Variants in CADM2 observed in about 807,000 individuals in gnomAD.
CADM2 encodes cell adhesion molecule 2.
CADM2 carries 12 observed loss-of-function variants against 49.8 expected under a neutral mutation model. The observed-to-expected ratio is 0.24, with a 90% CI of 0.15 to 0.39. The LOEUF (loss-of-function observed/expected upper bound fraction) is 0.39, where lower values mean the gene tolerates loss of function less well. CADM2 is among the 10% of genes least tolerant of loss of function. The pLI is 1.00. For synonymous variants in CADM2, 214 were observed against 175.4 expected (o/e 1.22, Z -1.74); for missense variants, 378 against 492.3 (o/e 0.77, Z 2.20).
intron 1 of CADM2, among the ~76,000 whole-genome samples, chr3:85,090,807 T>C (rs1409062613): frequency 6.6e-6 from 1 of 152,196 alleles, no homozygotes; most frequent in African/African-American, 2.4e-5. Flanking sequence ...CTCTAGGTTG[T>C]CCACTCCTTA....
intron 3 of CADM2, among the ~76,000 whole-genome samples, chr3:85,877,316 G>C (rs1712019833): frequency 6.6e-6 from 1 of 151,866 alleles, no homozygotes; most frequent in South Asian, 2.1e-4. Context: ...TAAAATGTTT[G>C]AGTTTTTAGT....
At chr3:85,783,565 T>C (rs2070786711) in intron 2 of CADM2, among the ~76,000 whole-genome samples, 1 of 152,066 alleles carries the variant, frequency 6.6e-6, no homozygotes, top group South Asian at 2.1e-4. Flanking sequence ...GCCATATGAG[T>C]CCATATTTCC....
intron 1 of CADM2, among the ~76,000 whole-genome samples, chr3:85,720,959 A>T (rs2067482605): frequency 6.6e-6 from 1 of 152,210 alleles, no homozygotes; most frequent in Admixed American, 6.5e-5. Flanking sequence ...TTGTTGATTA[A>T]CATTGCTGTG....
intron 8 of CADM2, among the ~76,000 whole-genome samples, chr3:86,063,804 C>T (rs1168508608): frequency 6.6e-6 from 1 of 152,140 alleles, no homozygotes; most frequent in African/African-American, 2.4e-5. Flanking sequence ...TACTTCTTTA[C>T]TTTCACTGTC....
At chr3:85,133,479 T>C (rs113758583) in intron 1 of CADM2, among the ~76,000 whole-genome samples, 1,952 of 152,132 alleles carry the variant, frequency 0.013, 38 homozygotes, top group African/African-American at 0.043. Flanking sequence ...CAGTGTCGAT[T>C]GGTGCATTCA....
At chr3:85,796,538 A>G (rs989704840) in intron 2 of CADM2, among the ~76,000 whole-genome samples, 15 of 152,112 alleles carry the variant, frequency 9.9e-5, no homozygotes, top group Non-Finnish European at 1.9e-4. Context: ...GGCGATGGCA[A>G]CTCTGAGAGG....
chr3:84,990,081 A>G (rs1050994087), intron 1 of CADM2, among the ~76,000 whole-genome samples: 4 of 151,836 alleles, frequency 2.6e-5, no homozygotes, highest in Non-Finnish European at 5.9e-5. Context: ...GGCATTTAAT[A>G]TTTAATGATC....
At chr3:85,422,371 G>A (rs1052288087) in intron 1 of CADM2, among the ~76,000 whole-genome samples, 6 of 151,922 alleles carry the variant, frequency 3.9e-5, no homozygotes, top group Non-Finnish European at 7.4e-5. Context: ...TCCACTTCCC[G>A]GGTTCGCACC....
chr3:85,918,365 G>C (rs540739948), intron 6 of CADM2, among the ~76,000 whole-genome samples: 100 of 152,254 alleles, frequency 6.6e-4, no homozygotes, highest in African/African-American at 2.4e-3. Flanking sequence ...TAACATGAAA[G>C]GTTGTTGAAT....
chr3:85,225,300 T>C (rs930885870), intron 1 of CADM2, among the ~76,000 whole-genome samples: 5 of 152,198 alleles, frequency 3.3e-5, no homozygotes, highest in African/African-American at 1.2e-4. Context: ...GTAGTTCTCC[T>C]TGAAGAGGTC....
chr3:85,518,119 G>T (rs1314551315), intron 1 of CADM2, among the ~76,000 whole-genome samples: 2 of 152,024 alleles, frequency 1.3e-5, no homozygotes, highest in Non-Finnish European at 2.9e-5. Context: ...CAATTCTCCT[G>T]CCTGGAGACT....
intron 1 of CADM2, among the ~76,000 whole-genome samples, chr3:85,142,624 A>C (rs2107630691): frequency 6.6e-6 from 1 of 152,364 alleles, no homozygotes; most frequent in Middle Eastern, 3.4e-3. Flanking sequence ...AAAATGAACT[A>C]ATTATTCCCA....
intron 3 of CADM2, among the ~76,000 whole-genome samples, chr3:85,813,415 T>C (rs2073008821): frequency 6.6e-6 from 1 of 152,154 alleles, no homozygotes; most frequent in African/African-American, 2.4e-5. Context: ...TTCTTATAAA[T>C]TTGTTTAAGT....
At chr3:85,970,092 T>A (rs1445259491) in intron 8 of CADM2, among the ~76,000 whole-genome samples, 2 of 147,752 alleles carry the variant, frequency 1.4e-5, no homozygotes, top group African/African-American at 2.5e-5. Context: ...TTAGTTTTTA[T>A]CCCATATTGA....
intron 1 of CADM2, among the ~76,000 whole-genome samples, chr3:85,535,688 A>G (rs2061408290): frequency 6.6e-6 from 1 of 152,092 alleles, no homozygotes. Context: ...CCCTGGTAGG[A>G]TGCCATATTT....
intron 1 of CADM2, among the ~76,000 whole-genome samples, chr3:85,586,745 T>A (rs1462124642): frequency 6.6e-6 from 1 of 152,086 alleles, no homozygotes; most frequent in Non-Finnish European, 1.5e-5. Flanking sequence ...ACAACTTCAA[T>A]AAGTAGCATC....
At chr3:85,515,920 T>C (rs1330223120) in intron 1 of CADM2, among the ~76,000 whole-genome samples, 1 of 152,204 alleles carries the variant, frequency 6.6e-6, no homozygotes, top group African/African-American at 2.4e-5. Flanking sequence ...CAATTTAGCC[T>C]TTGTGTTTGT....
At chr3:85,470,979 C>T (rs2038740566) in intron 1 of CADM2, among the ~76,000 whole-genome samples, 1 of 152,128 alleles carries the variant, frequency 6.6e-6, no homozygotes, top group East Asian at 1.9e-4. Context: ...CAGCTGTATG[C>T]TGCAGATTTA....
At chr3:85,529,708 T>C (rs1267798057) in intron 1 of CADM2, among the ~76,000 whole-genome samples, 1 of 152,024 alleles carries the variant, frequency 6.6e-6, no homozygotes, top group East Asian at 1.9e-4. Flanking sequence ...GCTTGCTCTA[T>C]GCATTTACCT....
Sources: allele counts gnomAD v4.1 joint callset (sites outside exome capture counted in the v4.1 genomes callset), GRCh38; gene constraint gnomAD v4.1.1; transcripts MANE v1.5; gene names NCBI Gene and HGNC (gene_info 2026-07-23, HGNC 2026-07-21).